Variants in PLPP7 observed in about 807,000 individuals in gnomAD.
The protein encoded by PLPP7 is phospholipid phosphatase 7 (inactive), also known as inactive phospholipid phosphatase 7.
In PLPP7, 11 loss-of-function variants were observed where a neutral mutation model predicts 16.9. The ratio of observed to expected loss-of-function variants is 0.65; its 90% CI spans 0.41 to 1.08. The LOEUF (loss-of-function observed/expected upper bound fraction) is 1.08. Ranked by LOEUF, PLPP7 falls within the 50% of genes least tolerant of loss-of-function variation. The pLI is 0.00. For missense variants in PLPP7, 358 were observed against 397.1 expected (o/e 0.90, Z 0.84); for synonymous variants, 174 against 175.1 (o/e 0.99, Z 0.05).
intron 1 of PLPP7, among the ~76,000 whole-genome samples, chr9:131,298,724 C>T (rs1045855401): frequency 6.6e-6 from 1 of 152,234 alleles, no homozygotes; most frequent in Non-Finnish European, 1.5e-5. Context: ...GGCAGCAGCT[C>T]TTCTCCAAGA....
intron 1 of PLPP7, chr9:131,291,089 C>G (rs761714066): frequency 7.3e-7 from 1 of 1,366,320 alleles, no homozygotes; most frequent in Non-Finnish European, 9.8e-7. Context: ...TTTGCAAAGT[C>G]TTTGCCACCA....
At chr9:131,292,040 C>T (rs1214658897) in intron 1 of PLPP7, among the ~76,000 whole-genome samples, 1 of 152,250 alleles carries the variant, frequency 6.6e-6, no homozygotes, top group Non-Finnish European at 1.5e-5. Context: ...AGCCTCAGGG[C>T]TTGAGATTTG....
rs1207573877 is a variant in PLPP7, at chr9:131,291,394, G to C, written c.451+946G>C. 12 of 1,166,896 alleles carry C rather than the reference G, an allele frequency of 1.0e-5. No individual in the cohort carries two copies. The Admixed American group carries it at 4.4e-4, about 43-fold the overall frequency. The allele number at this position is 1,166,896 out of a possible 1,614,324, so 72.3% of individuals were successfully genotyped here. ...AAAGGGCATTGGGTTGGACCACGGA[G>C]AACATCAGTTCCAGAGGAAGTTACA... On this transcript the variant is annotated intron_variant, in intron 1 of 1. Transcript: ENST00000372264.
At chr9:131,301,687 C>G (rs966470429) in intron 1 of PLPP7, among the ~76,000 whole-genome samples, 11 of 152,198 alleles carry the variant, frequency 7.2e-5, no homozygotes, top group African/African-American at 2.4e-4. Flanking sequence ...GACTCACAGG[C>G]AGTGTAATGG....
intron 1 of PLPP7, among the ~76,000 whole-genome samples, chr9:131,300,019 C>T (rs994484141): frequency 6.6e-6 from 1 of 152,178 alleles, no homozygotes; most frequent in Non-Finnish European, 1.5e-5. Flanking sequence ...AGCTGTGGGG[C>T]GTCTTAGTCC....
chr9:131,305,404 T>A (rs1236868087), intron 1 of PLPP7, among the ~76,000 whole-genome samples: 1 of 150,622 alleles, frequency 6.6e-6, no homozygotes, highest in Non-Finnish European at 1.5e-5. Context: ...AATTTTTTTT[T>A]AATTAGCTGG....
At chr9:131,306,422 A>G (rs1450002276) in intron 1 of PLPP7, among the ~76,000 whole-genome samples, 3 of 148,476 alleles carry the variant, frequency 2.0e-5, no homozygotes, top group African/African-American at 2.5e-5. Context: ...TGCGCCTGTA[A>G]TCCCAGCTAC....
rs774827397 is a variant in PLPP7 at position 131,290,308 on chromosome 9, C to T, written c.311C>T (p.Ala104Val). 81 of 1,611,530 alleles carry T rather than the reference C, an allele frequency of 5.0e-5. No individual in the cohort carries two copies. Among genetic ancestry groups the T allele is most frequent in the Non-Finnish European group, 6.0e-5 (71 of 1,179,028 alleles). ...KRLGVCAGRA[A>V]SWASARSMVK... is the part of the protein sequence containing the mutation. ...CTGGGGGTGTGCGCTGGCCGGGCGG[C>T]GTCCTGGGCCAGTGCCCGCTCCATG... The change falls in exon 1 of 2, where the codon GCG becomes GTG. Residue 104 changes from alanine (A) to valine (V), a missense_variant. Coordinates refer to ENST00000372264, the MANE Select transcript of PLPP7 (RefSeq NM_032728.4). The surrounding 1 kb of genome is among the most constrained non-coding windows in gnomAD (Gnocchi z 4.2).
rs114585551 is a variant in PLPP7, at chr9:131,302,284, C to T, written c.452-5639C>T. Among the ~76,000 whole-genome samples the T allele has an allele frequency of 5.8e-3, 882 of 152,308 alleles. 5 individuals are homozygous for T. The highest frequency in any genetic ancestry group is 0.02 in the African/African-American group (825 of 41,562). On this transcript the variant is annotated intron_variant, in intron 1 of 1. Transcript: ENST00000372264. Reference sequence around the variant, plus strand: ...CCCTCGCCAGGTGGAGAAAGCCTGTCACCAGGCCATTTTTGGGGAAGTGGT... The same window carrying T: ...CCCTCGCCAGGTGGAGAAAGCCTGTTACCAGGCCATTTTTGGGGAAGTGGT...
At position 131,289,738 on chromosome 9, in the gene PLPP7, T is replaced by C. The variant is rs1835639282; in HGVS notation, c.-260T>C. On this transcript the variant is annotated 5_prime_UTR_variant, in exon 1 of 2. Transcript: ENST00000372264. ...CAGCCAGGCCGCAGCTGTGGACTCC[T>C]CACCTCCCGGAGGCTCTGCTGGTGC... 5.1e-6 allele frequency: 2 copies of C among 388,616 alleles called. No individual in the cohort carries two copies. The highest frequency in any genetic ancestry group is 9.1e-6 in the Non-Finnish European group (2 of 220,184). 24.1% of individuals were successfully genotyped at this position (388,616 alleles called of 1,614,324 possible). A position where few individuals can be genotyped will look rare whatever the true frequency, so the allele number is the denominator to read the frequency against.
intron 1 of PLPP7, among the ~76,000 whole-genome samples, chr9:131,291,876 C>G (rs1835682207): frequency 6.6e-6 from 1 of 152,242 alleles, no homozygotes; most frequent in Non-Finnish European, 1.5e-5. Flanking sequence ...GCCACCGTGC[C>G]TGGCCAGTTT....
intron 1 of PLPP7, among the ~76,000 whole-genome samples, chr9:131,299,210 GAGTGGAGGCC>G (rs5900927): frequency 0.66 from 100,145 of 151,358 alleles, 34,181 homozygotes; most frequent in Middle Eastern, 0.78. Context: ...TGATCCTAGT[GAGTGGAGGCC>G]AGTGGAGGCT....
intron 1 of PLPP7, among the ~76,000 whole-genome samples, chr9:131,294,622 C>G (rs1334086519): frequency 6.6e-6 from 1 of 152,118 alleles, no homozygotes; most frequent in Non-Finnish European, 1.5e-5. Context: ...GGTCTTGTTC[C>G]TTGATCTATG....
chr9:131,304,217 C>G (rs1191100820), intron 1 of PLPP7, among the ~76,000 whole-genome samples: 1 of 152,198 alleles, frequency 6.6e-6, no homozygotes, highest in African/African-American at 2.4e-5. Context: ...CTGGGTGAAA[C>G]TGGGGTCCTG....
chr9:131,302,879 CG>C (rs776378848), intron 1 of PLPP7, among the ~76,000 whole-genome samples: 2 of 152,182 alleles, frequency 1.3e-5, no homozygotes, highest in Non-Finnish European at 2.9e-5. Context: ...GGGAGGACTG[CG>C]TGATCTGGAA....
chr9:131,290,424 G>T lies in PLPP7; in HGVS notation c.427G>T (p.Glu143Ter). 6.5e-7 allele frequency: 1 copy of T among 1,543,832 alleles called. No homozygotes were observed. ...GAAGAGCAGCACACTGGCCGGCCAG[G>T]AGGTGCTCATGAATCTGCTCCTGGG... ...LVKSSTLAGQ[E>*]VLMNLLLALL... is the part of the protein sequence containing the mutation. The change falls in exon 1 of 2, where the codon GAG becomes TAG. Residue 143 changes from glutamate to a stop codon, truncating the protein, a stop_gained. Coordinates refer to ENST00000372264, the MANE Select transcript of PLPP7 (RefSeq NM_032728.4). LOFTEE classifies it high-confidence loss of function. The surrounding 1 kb of genome is among the most constrained non-coding windows in gnomAD (Gnocchi z 4.2).
intron 1 of PLPP7, among the ~76,000 whole-genome samples, chr9:131,305,028 T>C (rs1031245594): frequency 3.9e-5 from 6 of 152,136 alleles, no homozygotes; most frequent in Admixed American, 3.3e-4. Flanking sequence ...TCTTGTCCTC[T>C]ATAAAGGGGG....
chr9:131,296,802 C>T (rs1318782516), intron 1 of PLPP7, among the ~76,000 whole-genome samples: 1 of 152,222 alleles, frequency 6.6e-6, no homozygotes, highest in Admixed American at 6.5e-5. Flanking sequence ...CCATGTCCCT[C>T]GCACCAGCAT....
intron 1 of PLPP7, among the ~76,000 whole-genome samples, chr9:131,307,523 G>A (rs1289382894): frequency 1.8e-5 from 2 of 113,722 alleles, no homozygotes; most frequent in African/African-American, 7.1e-5. Context: ...CTGCACTCCA[G>A]CCTGGTTGAC....
Sources: gnomAD v4.1 joint callset for allele counts (sites outside exome capture counted in the v4.1 genomes callset) on GRCh38, gnomAD v4.1.1 for gene constraint, Gnocchi (gnomAD v3.1) non-coding constraint, MANE v1.5 for transcripts, NCBI Gene and HGNC (gene_info 2026-07-23, HGNC 2026-07-21) for gene names.